Variants in WIF1 observed in about 807,000 individuals in gnomAD.
WIF1 encodes the protein Wnt inhibitory factor 1.
Under a neutral mutation model 53.5 loss-of-function variants are expected in WIF1, and 35 were observed. The observed-to-expected ratio is 0.65, with a 90% CI of 0.50 to 0.87. The LOEUF is 0.87. Among genes scored for constraint, WIF1 ranks in the 40% least tolerant of loss-of-function variants. The probability of loss-of-function intolerance (pLI) is 0.00; values close to 1 mark genes in which losing one functional copy is unlikely to be tolerated. For synonymous variants in WIF1, 171 were observed against 170.4 expected, an observed-to-expected ratio of 1.00 and a Z score of -0.03; for missense variants, 467 against 476.8, an observed-to-expected ratio of 0.98 and a Z score of 0.19.
chr12:65,095,745 G>A (rs1436219963), intron 2 of WIF1: 1 of 152,120 alleles, frequency 6.6e-6, no homozygotes, highest in Non-Finnish European at 1.5e-5. Flanking sequence ...AAAAGAAGCA[G>A]ATCGTGCTCA....
chr12:65,077,994 T>G, intron 2 of WIF1, 140 bp from the exon 3 acceptor site: 1 of 648,604 alleles, frequency 1.5e-6, no homozygotes, highest in Admixed American at 2.5e-5. Context: ...AGATACTGGG[T>G]AGGCACAACT....
intron 2 of WIF1, among the ~76,000 whole-genome samples, chr12:65,078,254 T>G (rs1882895302): frequency 1.3e-5 from 2 of 152,122 alleles, no homozygotes; most frequent in African/African-American, 4.8e-5. Flanking sequence ...AATTTTTGTA[T>G]TTTTAGTAGA....
intron 3 of WIF1, among the ~76,000 whole-genome samples, chr12:65,076,415 A>C (rs1045952674): frequency 5.3e-5 from 8 of 152,192 alleles, no homozygotes; most frequent in African/African-American, 1.9e-4. Context: ...TAAGCCAAGC[A>C]TTCTCCCTAT....
At chr12:65,053,133 T>G (rs1882466363) in intron 9 of WIF1, among the ~76,000 whole-genome samples, 1 of 152,168 alleles carries the variant, frequency 6.6e-6, no homozygotes, top group Non-Finnish European at 1.5e-5. Flanking sequence ...GGTCTTTTAG[T>G]CCAAAGAAGA....
At chr12:65,078,286 C>T (rs889272867) in intron 2 of WIF1, among the ~76,000 whole-genome samples, 1 of 152,114 alleles carries the variant, frequency 6.6e-6, no homozygotes, top group Admixed American at 6.5e-5. Flanking sequence ...ACCATGTTGC[C>T]GGGGTCTGTC....
chr12:65,056,366 C>CT (rs10584146), intron 7 of WIF1, among the ~76,000 whole-genome samples: 3 of 24,264 alleles, frequency 1.2e-4, no homozygotes, highest in Admixed American at 6.1e-4. Flanking sequence ...CATTTATATC[C>CT]TTTTTTTTTT....
chr12:65,120,878 A>T (rs1319992075), intron 1 of WIF1, among the ~76,000 whole-genome samples, 166 bp downstream of exon 1: 1 of 152,262 alleles, frequency 6.6e-6, no homozygotes, highest in Non-Finnish European at 1.5e-5. Flanking sequence ...GTTTCTTAAA[A>T]GAGAAGTTTA....
In WIF1 at chr12:65,113,002, T is replaced by C. The variant is rs145958154; in HGVS notation, c.288+7415A>G. 1.4e-4 allele frequency among the ~76,000 whole-genome samples: 21 copies of C among 152,312 alleles called. No individual in the cohort carries two copies. The East Asian group carries it at 4.1e-3, about 29-fold the overall frequency. ...TTGGATGAGTGAGATTAATATTTGT[T>C]TTCTAGAGTACAAGCTCCCAGAGGG... On this transcript the variant is annotated intron_variant, in intron 2 of 9. Transcript: ENST00000286574.
intron 2 of WIF1, among the ~76,000 whole-genome samples, chr12:65,117,271 CAG>C (rs932955720): frequency 6.6e-6 from 1 of 152,168 alleles, no homozygotes; most frequent in African/African-American, 2.4e-5. Flanking sequence ...CTTTTGCCAT[CAG>C]AGTCTAACAG....
chr12:65,085,724 C>A (rs1446530), intron 2 of WIF1, among the ~76,000 whole-genome samples: 29,859 of 152,106 alleles, frequency 0.2, 3,224 homozygotes, highest in Non-Finnish European at 0.25. Flanking sequence ...AGATCACAGC[C>A]AGTGGGCTGG....
In WIF1 at chr12:65,077,752, C is replaced by T. The variant is rs770414132; in HGVS notation, c.391G>A (p.Ala131Thr). ...VPLLGTVPHK[A>T]SVVQVGFPCL... ...TCAGGCAAAGACCACCCACCTGATG[C>T]CTTGTGAGGCACTGTTCCCAGCAGA... Residue 131 changes from alanine to threonine, a missense_variant, in exon 3 of 10, where the codon GCA (alanine) becomes ACA (threonine). Transcript: ENST00000286574. 5 of 1,612,294 alleles carry T rather than the reference C, an allele frequency of 3.1e-6. No individual in the cohort carries two copies. In the South Asian group the frequency reaches 4.4e-5, roughly 14 times the overall value.
At chr12:65,080,672 T>C (rs1403671430) in intron 2 of WIF1, among the ~76,000 whole-genome samples, 1 of 152,232 alleles carries the variant, frequency 6.6e-6, no homozygotes, top group Non-Finnish European at 1.5e-5. Flanking sequence ...ATTTGAATTA[T>C]TTCTATTACT....
At chr12:65,073,691 A>G (rs1882816631) in intron 3 of WIF1, among the ~76,000 whole-genome samples, 1 of 152,214 alleles carries the variant, frequency 6.6e-6, no homozygotes, top group Non-Finnish European at 1.5e-5. Flanking sequence ...TGGATGCTTA[A>G]GAGCAAAGAC....
At chr12:65,060,252 A>G (rs1882591941) in intron 7 of WIF1, among the ~76,000 whole-genome samples, 1 of 152,230 alleles carries the variant, frequency 6.6e-6, no homozygotes, top group Non-Finnish European at 1.5e-5. Flanking sequence ...GCAGATTTTC[A>G]TAGCCATATT....
At position 65,077,935 on chromosome 12, in the gene WIF1, G is replaced by A. The variant is rs1028940385; in HGVS notation, c.289-81C>T. ...CCACAGAATTCATCGTCCATCTGAT[G>A]GGGCAGAGATAATTTTCATTACAGG... is the stretch of plus-strand genomic sequence containing the variant. On this transcript the variant is annotated intron_variant, in intron 2 of 9. Transcript: ENST00000286574. 7.6e-6 allele frequency: 8 copies of A among 1,058,538 alleles called. No individual in the cohort carries two copies. The African/African-American group carries it at 1.1e-4, about 14-fold the overall frequency. The allele number at this position is 1,058,538 out of a possible 1,614,324, so 65.6% of individuals were successfully genotyped here.
chr12:65,077,116 T>C (rs1882873291), intron 3 of WIF1, among the ~76,000 whole-genome samples: 1 of 152,188 alleles, frequency 6.6e-6, no homozygotes, highest in Admixed American at 6.5e-5. Flanking sequence ...TAAGTCTTAA[T>C]TTTTTAATTT....
At chr12:65,058,126 C>T (rs1882557565) in intron 7 of WIF1, among the ~76,000 whole-genome samples, 1 of 151,644 alleles carries the variant, frequency 6.6e-6, no homozygotes, top group Admixed American at 6.6e-5. Flanking sequence ...ACAAGAATAC[C>T]ATTTACTGTT....
At chr12:65,120,589 G>C in intron 1 of WIF1, 33 bp from the exon 2 acceptor site, 5 of 1,590,698 alleles carry the variant, frequency 3.1e-6, no homozygotes, top group Non-Finnish European at 4.3e-6. Context: ...GATCAAACCA[G>C]GTAGACTTGA....
At chr12:65,102,892 A>G (rs1281289357) in intron 2 of WIF1, among the ~76,000 whole-genome samples, 1 of 152,168 alleles carries the variant, frequency 6.6e-6, no homozygotes, top group African/African-American at 2.4e-5. Context: ...CCATTCTAGA[A>G]AAGCCTTGGA....
Sources: gnomAD v4.1 joint callset for allele counts (sites outside exome capture counted in the v4.1 genomes callset) on GRCh38, gnomAD v4.1.1 for gene constraint, MANE v1.5 for transcripts, NCBI Gene and HGNC (gene_info 2026-07-23, HGNC 2026-07-21) for gene names.